CREB5: variants seen among roughly 807,000 people sequenced by gnomAD.
The protein encoded by CREB5 is cyclic AMP-responsive element-binding protein 5.
A neutral mutation model predicts 57.1 loss-of-function variants in CREB5; 19 were observed. The observed-to-expected ratio is 0.33, with a 90% CI of 0.23 to 0.49. The LOEUF (loss-of-function observed/expected upper bound fraction) is 0.49, where lower values mean the gene tolerates loss of function less well. Among genes scored for constraint, CREB5 ranks in the 20% least tolerant of loss-of-function variants. The probability of loss-of-function intolerance (pLI) is 0.99; values close to 1 mark genes in which losing one functional copy is unlikely to be tolerated. For missense variants in CREB5, 579 were observed against 671.6 expected (o/e 0.86, Z 1.52); for synonymous variants, 238 against 238.3 (o/e 1.00, Z 0.01).
intron 7 of CREB5, among the ~76,000 whole-genome samples, chr7:28,772,972 C>T (rs1235608787): frequency 1.3e-5 from 2 of 152,110 alleles, no homozygotes. Flanking sequence ...CTAAAATGGG[C>T]TGCATTGTAT....
At chr7:28,452,049 A>G (rs1457486780) in intron 1 of CREB5, among the ~76,000 whole-genome samples, 1 of 152,156 alleles carries the variant, frequency 6.6e-6, no homozygotes, top group East Asian at 1.9e-4. Flanking sequence ...CTTTTCCTTC[A>G]TCATCTATTG....
At chr7:28,380,461 T>C (rs1786944997) in intron 1 of CREB5, among the ~76,000 whole-genome samples, 1 of 152,196 alleles carries the variant, frequency 6.6e-6, no homozygotes, top group African/African-American at 2.4e-5. Context: ...TGGTGCTAGA[T>C]TGCTGCAAAG....
intron 1 of CREB5, among the ~76,000 whole-genome samples, chr7:28,402,653 C>G (rs113574808): frequency 6.6e-6 from 1 of 152,126 alleles, no homozygotes. Context: ...CCTTTCCTTA[C>G]ACCTCATACA....
chr7:28,539,900 C>T (rs147900081), intron 4 of CREB5, among the ~76,000 whole-genome samples: 2 of 152,280 alleles, frequency 1.3e-5, no homozygotes, highest in Admixed American at 1.3e-4. Context: ...AGCCCACCAT[C>T]GCCTAAGTTG....
intron 1 of CREB5, among the ~76,000 whole-genome samples, chr7:28,444,163 T>C (rs899358531): frequency 1.3e-5 from 2 of 152,206 alleles, no homozygotes; most frequent in Non-Finnish European, 2.9e-5. Flanking sequence ...CATTAAATGC[T>C]TTATAAAGAT....
intron 5 of CREB5, among the ~76,000 whole-genome samples, chr7:28,605,368 A>G (rs1218343355): frequency 1.3e-5 from 2 of 152,188 alleles, no homozygotes; most frequent in African/African-American, 4.8e-5. Context: ...ATATTGTGAG[A>G]AGACCCACCT....
intron 5 of CREB5, among the ~76,000 whole-genome samples, chr7:28,635,001 G>A (rs1798357584): frequency 6.6e-6 from 1 of 152,138 alleles, no homozygotes; most frequent in Non-Finnish European, 1.5e-5. Context: ...TTGGAGGCAG[G>A]TAGTCCAGGG....
intron 1 of CREB5, among the ~76,000 whole-genome samples, chr7:28,421,228 T>A (rs1788233814): frequency 6.6e-6 from 1 of 152,174 alleles, no homozygotes; most frequent in Non-Finnish European, 1.5e-5. Context: ...CACTTATAAA[T>A]GAGAACATCC....
chr7:28,659,467 G>A (rs542400697), intron 5 of CREB5, among the ~76,000 whole-genome samples: 1 of 152,290 alleles, frequency 6.6e-6, no homozygotes, highest in East Asian at 1.9e-4. Context: ...ACAAGGTCCT[G>A]TAGCCAGCTG....
At chr7:28,589,486 G>A (rs1476145403) in intron 5 of CREB5, among the ~76,000 whole-genome samples, 3 of 152,102 alleles carry the variant, frequency 2.0e-5, no homozygotes, top group African/African-American at 7.2e-5. Flanking sequence ...CCCAGGAGGC[G>A]GAGCTTGCAG....
intron 1 of CREB5, among the ~76,000 whole-genome samples, chr7:28,474,330 A>G (rs1790967804): frequency 6.6e-6 from 1 of 152,070 alleles, no homozygotes; most frequent in Admixed American, 6.6e-5. Context: ...ACTGGTAACT[A>G]TTGGTTTCAA....
chr7:28,391,912 C>G (rs1388899517), intron 1 of CREB5, among the ~76,000 whole-genome samples: 1 of 152,128 alleles, frequency 6.6e-6, no homozygotes, highest in African/African-American at 2.4e-5. Flanking sequence ...CTCTCCTTTC[C>G]TAATGTGGCT....
intron 5 of CREB5, among the ~76,000 whole-genome samples, chr7:28,698,335 C>T (rs1211143810): frequency 7.3e-6 from 1 of 137,750 alleles, no homozygotes; most frequent in Non-Finnish European, 1.5e-5. Flanking sequence ...TTCCTCATCC[C>T]CCAAACCCCA....
At chr7:28,413,092 A>AGGTGTG (rs1787869144) in intron 1 of CREB5, among the ~76,000 whole-genome samples, 175 bp downstream of exon 1, 1 of 147,214 alleles carries the variant, frequency 6.8e-6, no homozygotes, top group African/African-American at 2.5e-5. Context: ...ATGTGGAAGG[A>AGGTGTG]TGTGTGTGTG....
chr7:28,659,328 A>G (rs1224917536), intron 5 of CREB5, among the ~76,000 whole-genome samples: 1 of 152,144 alleles, frequency 6.6e-6, no homozygotes, highest in Non-Finnish European at 1.5e-5. Context: ...ATTTTATGCA[A>G]GAGAAGGGCA....
At chr7:28,532,556 C>T (rs909288713) in intron 4 of CREB5, among the ~76,000 whole-genome samples, 4 of 152,150 alleles carry the variant, frequency 2.6e-5, no homozygotes, top group Admixed American at 2.0e-4. Context: ...GAGTCCCAGA[C>T]CAACAGTGCC....
intron 1 of CREB5, among the ~76,000 whole-genome samples, chr7:28,344,642 C>T (rs1786003926): frequency 6.6e-6 from 1 of 151,686 alleles, no homozygotes; most frequent in Admixed American, 6.6e-5. Flanking sequence ...AACAAAATGG[C>T]AGTAGTAAGT....
intron 1 of CREB5, among the ~76,000 whole-genome samples, chr7:28,424,254 T>C (rs1475152376): frequency 6.6e-6 from 1 of 152,218 alleles, no homozygotes; most frequent in African/African-American, 2.4e-5. Context: ...TACTGGGAGT[T>C]TGGACTCCAA....
At chr7:28,469,755 C>G (rs1790733272) in intron 1 of CREB5, among the ~76,000 whole-genome samples, 1 of 152,174 alleles carries the variant, frequency 6.6e-6, no homozygotes, top group East Asian at 1.9e-4. Context: ...TTAATCCTCA[C>G]ATACTAATAA....
Sources: gnomAD v4.1 joint callset for allele counts (sites outside exome capture counted in the v4.1 genomes callset) on GRCh38, gnomAD v4.1.1 for gene constraint, MANE v1.5 for transcripts, NCBI Gene and HGNC (gene_info 2026-07-23, HGNC 2026-07-21) for gene names.